The following UBR2 variants were observed in gnomAD, a reference collection of about 807,000 sequenced individuals.
UBR2 encodes ubiquitin protein ligase E3 component n-recognin 2, also known as E3 ubiquitin-protein ligase UBR2.
In UBR2, 92 loss-of-function variants were observed where a neutral mutation model predicts 247.9. That is an observed-to-expected ratio of 0.37 (90% CI 0.31 to 0.44). The LOEUF is 0.44. UBR2 is among the 20% of genes least tolerant of loss of function. The probability of loss-of-function intolerance (pLI) is 1.00; values close to 1 mark genes in which losing one functional copy is unlikely to be tolerated. For missense variants in UBR2, 1,613 were observed against 2,112.6 expected, an observed-to-expected ratio of 0.76 and a Z score of 4.64; for synonymous variants, 672 against 693.5, an observed-to-expected ratio of 0.97 and a Z score of 0.49.
At chr6:42,674,090 T>C in intron 37 of UBR2, 36 bp from the exon 38 acceptor site, 1 of 1,591,904 alleles carries the variant, frequency 6.3e-7, no homozygotes, top group South Asian at 1.1e-5. Flanking sequence ...TGTTGGCATA[T>C]GAAATATGCT....
intron 1 of UBR2, among the ~76,000 whole-genome samples, chr6:42,570,077 TAG>T (rs1791020035): frequency 6.6e-6 from 1 of 152,198 alleles, no homozygotes. Flanking sequence ...TGAAAAGCTA[TAG>T]ATTTTATTCT....
At chr6:42,616,134 A>G (rs369354521) in intron 10 of UBR2, 44 bp downstream of exon 10, 14 of 1,362,880 alleles carry the variant, frequency 1.0e-5, no homozygotes, top group African/African-American at 1.5e-5. Context: ...ATATAGAGTA[A>G]CTATGCCCAT....
At chr6:42,651,769 G>T (rs904256659) in intron 23 of UBR2, among the ~76,000 whole-genome samples, 2 of 152,206 alleles carry the variant, frequency 1.3e-5, no homozygotes, top group South Asian at 4.1e-4. Context: ...GGGATTACAG[G>T]TGTGAGCTGC....
intron 33 of UBR2, 71 bp downstream of exon 33, chr6:42,665,583 A>T: frequency 7.9e-7 from 1 of 1,261,066 alleles, no homozygotes; most frequent in Non-Finnish European, 1.1e-6. Context: ...TTCCAGAAGA[A>T]GTTGTTTAAA....
At chr6:42,614,346 A>ATG (rs771602537) in intron 8 of UBR2, among the ~76,000 whole-genome samples, 16 of 62,042 alleles carry the variant, frequency 2.6e-4, no homozygotes, top group East Asian at 1.7e-3. Context: ...GTATGTGTGT[A>ATG]TGTATGTGTG....
At chr6:42,635,595 G>A in intron 14 of UBR2, 49 bp downstream of exon 14, 2 of 1,560,964 alleles carry the variant, frequency 1.3e-6, no homozygotes, top group South Asian at 1.2e-5. Context: ...GAAGAGGGAG[G>A]AATAAGCAGA....
At chr6:42,628,372 C>A (rs1364618248) in intron 11 of UBR2, among the ~76,000 whole-genome samples, 1 of 151,934 alleles carries the variant, frequency 6.6e-6, no homozygotes, top group Non-Finnish European at 1.5e-5. Flanking sequence ...AGCAGTGGTA[C>A]CTTTTGAATC....
chr6:42,687,454 G>A (rs536434131), intron 44 of UBR2, among the ~76,000 whole-genome samples: 3 of 152,318 alleles, frequency 2.0e-5, no homozygotes, highest in South Asian at 4.1e-4. Context: ...GCCTCGGCTC[G>A]GCATCAGAGG....
intron 2 of UBR2, among the ~76,000 whole-genome samples, chr6:42,581,615 C>T (rs1283642116): frequency 6.6e-6 from 1 of 152,232 alleles, no homozygotes; most frequent in Non-Finnish European, 1.5e-5. Flanking sequence ...TTATGAGCTA[C>T]TGCGCCCACC....
intron 2 of UBR2, among the ~76,000 whole-genome samples, chr6:42,578,966 CACACAA>C (rs1026030008): frequency 1.0e-4 from 9 of 89,496 alleles, no homozygotes; most frequent in African/African-American, 3.7e-4. Context: ...AAAACACACA[CACACAA>C]ACACACACAC....
rs772191082 is a variant in UBR2 at position 42,670,624 on chromosome 6, A to G, written c.4031-36A>G. 1.5e-5 allele frequency: 22 copies of G among 1,425,000 alleles called. No individual in the cohort carries two copies. The East Asian group carries it at 5.1e-4, about 33-fold the overall frequency. 88.3% of individuals were successfully genotyped at this position (1,425,000 alleles called of 1,614,324 possible). A position where few individuals can be genotyped will look rare whatever the true frequency, so the allele number is the denominator to read the frequency against. ...AAAATTATATTAAAATATACATAACATAACATTTACCATTTTAACCATCTT... is the reference window on the plus strand; with the variant it reads ...AAAATTATATTAAAATATACATAACGTAACATTTACCATTTTAACCATCTT... On this transcript the variant is annotated intron_variant, in intron 35 of 46. Transcript: ENST00000372901.
intron 26 of UBR2, among the ~76,000 whole-genome samples, chr6:42,655,968 T>C (rs1797418350): frequency 6.6e-6 from 1 of 152,110 alleles, no homozygotes; most frequent in Admixed American, 6.5e-5. Flanking sequence ...TTCTACAGTA[T>C]TGAAAATAAA....
chr6:42,635,529 G>T lies in UBR2; in HGVS notation c.1657G>T (p.Asp553Tyr). 6.2e-7 allele frequency: 1 copy of T among 1,611,004 alleles called. No homozygotes were observed. Among genetic ancestry groups the T allele is most frequent in the Non-Finnish European group, 8.5e-7 (1 of 1,177,588 alleles). The change falls in exon 14 of 47, where the codon GAC (aspartate) becomes TAC (tyrosine). Residue 553 changes from aspartate (D) to tyrosine (Y), a missense_variant. Physicochemically the swap from Asp to Tyr is radical, Grantham distance 160. Transcript: ENST00000372901. ...AACACATGTCATTTCAATGATGCAG[G>T]ACTGGTGTGCTTCAGATGTGAGTTT... ...KLTHVISMMQ[D>Y]WCASDEKVLI...
In UBR2 at chr6:42,653,606, C is replaced by CTTTTTTTTTTT. The variant is rs72460060; in HGVS notation, c.2769+979_2769+989dup. Among the ~76,000 whole-genome samples, 52 of 50,616 alleles carry CTTTTTTTTTTT rather than the reference C, an allele frequency of 1.0e-3. 2 individuals carry two copies. The highest frequency in any genetic ancestry group is 4.6e-3 in the African/African-American group (51 of 11,190). 33.2% of individuals were successfully genotyped at this position (50,616 alleles called of 152,430 possible). A position where few individuals can be genotyped will look rare whatever the true frequency, so the allele number is the denominator to read the frequency against. Reference sequence around the variant, plus strand: ...TTTATGCCTTATTCCATGCTAAGCCCTTTTTTTTTTTTTTTTTTTTTTTTT... The same window carrying CTTTTTTTTTTT: ...TTTATGCCTTATTCCATGCTAAGCCCTTTTTTTTTTTTTTTTTTTTTTTTTTTTTTTTTTTT... On this transcript the variant is annotated intron_variant, in intron 25 of 46. Transcript: ENST00000372901.
intron 44 of UBR2, among the ~76,000 whole-genome samples, chr6:42,687,400 G>A (rs1233995478): frequency 6.6e-6 from 1 of 152,236 alleles, no homozygotes; most frequent in East Asian, 1.9e-4. Flanking sequence ...AGGAGAATCA[G>A]GCAGGGAGGT....
At chr6:42,626,546 T>G (rs1680174710) in intron 11 of UBR2, among the ~76,000 whole-genome samples, 1 of 152,204 alleles carries the variant, frequency 6.6e-6, no homozygotes, top group African/African-American at 2.4e-5. Flanking sequence ...GGGTGGCATA[T>G]TCGAGTTCTC....
chr6:42,595,421 C>T (rs920449005), intron 4 of UBR2, among the ~76,000 whole-genome samples: 34 of 152,024 alleles, frequency 2.2e-4, no homozygotes, highest in African/African-American at 7.7e-4. Context: ...GTTAGTAGGC[C>T]TGATATAGAT....
chr6:42,625,981 T>A (rs1795321723), intron 11 of UBR2, among the ~76,000 whole-genome samples: 1 of 151,784 alleles, frequency 6.6e-6, no homozygotes, highest in Non-Finnish European at 1.5e-5. Flanking sequence ...GCCTGGCTAT[T>A]TTTTTTGTAT....
intron 11 of UBR2, among the ~76,000 whole-genome samples, chr6:42,617,830 T>G (rs990731853): frequency 6.6e-6 from 1 of 152,194 alleles, no homozygotes; most frequent in Non-Finnish European, 1.5e-5. Flanking sequence ...CAAATTATCC[T>G]TCACGTTAGA....
Sources: allele counts gnomAD v4.1 joint callset (sites outside exome capture counted in the v4.1 genomes callset), GRCh38; gene constraint gnomAD v4.1.1; transcripts MANE v1.5; gene names NCBI Gene and HGNC (gene_info 2026-07-23, HGNC 2026-07-21).